Variants in POU2AF1 observed in about 807,000 individuals in gnomAD.
The protein encoded by POU2AF1 is POU class 2 homeobox associating factor 1, also known as POU domain class 2-associating factor 1.
POU2AF1 carries 12 observed loss-of-function variants against 26.3 expected under a neutral mutation model. That is an observed-to-expected ratio of 0.46 (90% CI 0.29 to 0.74). POU2AF1 has a LOEUF of 0.74. Among genes scored for constraint, POU2AF1 ranks in the 30% least tolerant of loss-of-function variants. The pLI, the probability that POU2AF1 is intolerant of heterozygous loss-of-function variation, is 0.09. For synonymous variants in POU2AF1, 175 were observed against 148.0 expected (o/e 1.18, Z -1.32); for missense variants, 297 against 334.5 (o/e 0.89, Z 0.87).
At chr11:111,376,257 GA>G (rs1861308659) in intron 1 of POU2AF1, among the ~76,000 whole-genome samples, 1 of 152,158 alleles carries the variant, frequency 6.6e-6, no homozygotes, top group African/African-American at 2.4e-5. Context: ...GAAATGAATG[GA>G]AATTTCCTTC....
intron 1 of POU2AF1, among the ~76,000 whole-genome samples, chr11:111,362,694 C>T (rs1861033574): frequency 6.6e-6 from 1 of 152,210 alleles, no homozygotes; most frequent in Admixed American, 6.5e-5. Flanking sequence ...GGGTTCTCAG[C>T]TATTCCTTAG....
intron 1 of POU2AF1, among the ~76,000 whole-genome samples, chr11:111,365,241 T>C (rs1301063292): frequency 1.3e-5 from 2 of 152,204 alleles, no homozygotes; most frequent in African/African-American, 4.8e-5. Context: ...TTCTGGATAA[T>C]GCTCAGCTTT....
rs1199338084 is a variant in POU2AF1 at position 111,354,514 on chromosome 11, G to A, written c.518C>T (p.Pro173Leu). 2 of 1,581,774 alleles carry A rather than the reference G, an allele frequency of 1.3e-6. No individual in the cohort carries two copies. The highest frequency in any genetic ancestry group is 1.9e-5 in the Admixed American group (1 of 51,452). Residue 173 changes from proline to leucine, a missense_variant, in exon 5 of 5, where the codon CCC becomes CTC. Pro to Leu is a moderately conservative substitution (Grantham distance 98). Coordinates refer to ENST00000393067, the MANE Select transcript of POU2AF1 (RefSeq NM_006235.3). ...PPLEGPEHQA[P>L]LTYFPWPQPL... ...CTGAGGCCACGGGAAATAGGTGAGG[G>A]GTGCCTGGTGCTCTGGGCCCTCCAG... is the stretch of plus-strand genomic sequence containing the variant.
intron 1 of POU2AF1, among the ~76,000 whole-genome samples, chr11:111,362,201 A>G (rs900749274): frequency 3.9e-5 from 6 of 152,330 alleles, no homozygotes; most frequent in Admixed American, 3.3e-4. Flanking sequence ...GTCAGTGTAT[A>G]TATTTATGGG....
At chr11:111,362,600 T>C (rs886704341) in intron 1 of POU2AF1, among the ~76,000 whole-genome samples, 2 of 152,206 alleles carry the variant, frequency 1.3e-5, no homozygotes. Context: ...TCCCTTCACA[T>C]AACGTCCTCC....
chr11:111,354,557 G>T lies in POU2AF1; in HGVS notation c.475C>A (p.Pro159Thr). The T allele has an allele frequency of 1.3e-6, 2 of 1,531,146 alleles. No individual in the cohort carries two copies. Among genetic ancestry groups the T allele is most frequent in the Non-Finnish European group, 1.7e-6 (2 of 1,145,054 alleles). The allele number at this position is 1,531,146 out of a possible 1,614,324, so 94.8% of individuals were successfully genotyped here. A position where few individuals can be genotyped will look rare whatever the true frequency, so the allele number is the denominator to read the frequency against. The change falls in exon 5 of 5, where the codon CCC (proline) becomes ACC (threonine). Residue 159 changes from proline to threonine, a missense_variant. By Grantham distance (38) the Pro-to-Thr change is conservative (BLOSUM62 -1). Transcript: ENST00000393067. ...TNVTTRSSAT[P>T]AVGPPLEGPE... ...CCCTCCAGCGGGGGCCCCACTGCGG[G>T]CGTGGCGGAGCTTCTTGTCTGTGAC...
intron 2 of POU2AF1, among the ~76,000 whole-genome samples, chr11:111,358,324 TCTCTCACACA>T (rs1391188887): frequency 5.7e-5 from 4 of 70,166 alleles, no homozygotes; most frequent in African/African-American, 2.0e-4. Context: ...ACACACGTAC[TCTCTCACACA>T]CTCTCACACT....
intron 1 of POU2AF1, 44 bp from the exon 2 acceptor site, chr11:111,358,962 G>T: frequency 1.3e-6 from 2 of 1,563,416 alleles, no homozygotes. Flanking sequence ...CTTCTCAGAC[G>T]AGCCCCCACC....
chr11:111,371,264 T>C (rs949067226), intron 1 of POU2AF1, among the ~76,000 whole-genome samples: 1 of 152,348 alleles, frequency 6.6e-6, no homozygotes, highest in South Asian at 2.1e-4. Context: ...TTATAATCTT[T>C]TGGTGACCAG....
Position 111,358,887 on chromosome 11 carries a change from G to T in POU2AF1, c.48C>A (p.Ala16=). ...PTAPEQAPAP[A]RPYQGVRVKE... ...TCACACGGACGCCCTGGTATGGCCG[G>T]GCCGGGGCTGGGGCTTGCTCCGGAG... Residue 16 remains alanine (A), a synonymous_variant, in exon 2 of 5, where the codon GCC becomes GCA. Coordinates refer to ENST00000393067, the MANE Select transcript of POU2AF1 (RefSeq NM_006235.3). The T allele has an allele frequency of 6.2e-7, 1 of 1,607,480 alleles. No homozygotes were observed.
intron 1 of POU2AF1, among the ~76,000 whole-genome samples, chr11:111,372,049 C>CAGAG (rs1159443371): frequency 0.021 from 2,807 of 132,308 alleles, 85 homozygotes; most frequent in East Asian, 0.036. Context: ...CACACACACA[C>CAGAG]ACACACACAC....
Position 111,358,765 on chromosome 11 carries a change from C to T in POU2AF1, c.147+23G>A, listed in dbSNP as rs187584916. On this transcript the variant is annotated intron_variant, in intron 2 of 4. Transcript: ENST00000393067. ...TCTCTTTCACACACACACACTCACA[C>T]TCTCACACACACAAACTCTCACCGC... The T allele has an allele frequency of 4.6e-5, 71 of 1,558,408 alleles. No homozygotes were observed. In the East Asian group the frequency reaches 1.6e-3, roughly 35 times the overall value.
intron 1 of POU2AF1, among the ~76,000 whole-genome samples, chr11:111,372,051 C>CAGAGAGAGAGAGAGAGAG (rs1374875953): frequency 5.9e-5 from 6 of 101,662 alleles, no homozygotes; most frequent in African/African-American, 2.4e-4. Flanking sequence ...CACACACACA[C>CAGAGAGAGAGAGAGAGAG]ACACACACAC....
intron 1 of POU2AF1, 78 bp downstream of exon 1, chr11:111,379,084 C>G (rs1181379333): frequency 1.9e-6 from 3 of 1,597,206 alleles, no homozygotes; most frequent in African/African-American, 1.3e-5. Flanking sequence ...CACCAGCTCC[C>G]CAATTCCAGA....
chr11:111,365,109 T>C (rs1861080344), intron 1 of POU2AF1, among the ~76,000 whole-genome samples: 2 of 152,218 alleles, frequency 1.3e-5, no homozygotes, highest in Admixed American at 6.5e-5. Context: ...AGTTTTGTAT[T>C]TGGGGTCAGA....
rs912563947 is a variant in POU2AF1, at chr11:111,352,731, C to T, written c.*1530G>A. 1.0e-4 allele frequency: 17 copies of T among 167,550 alleles called. No individual in the cohort carries two copies. The East Asian group carries it at 2.0e-3, about 20-fold the overall frequency. The allele number at this position is 167,550 out of a possible 1,614,324, so 10.4% of individuals were successfully genotyped here. ...CGGGCGGATCACAAGGTCAGGAGTTCGAGACCAGCCTGGCCAACATGGTGA... is the reference window on the plus strand; with the variant it reads ...CGGGCGGATCACAAGGTCAGGAGTTTGAGACCAGCCTGGCCAACATGGTGA... On this transcript the variant is annotated 3_prime_UTR_variant, in exon 5 of 5. Transcript: ENST00000393067.
rs908072689 is a variant in POU2AF1, at chr11:111,363,084, A to G, written c.17-4166T>C. 2.3e-5 allele frequency: 22 copies of G among 938,744 alleles called. No homozygotes were observed. In the Admixed American group the frequency reaches 4.8e-4, roughly 20 times the overall value. 58.2% of individuals were successfully genotyped at this position (938,744 alleles called of 1,614,324 possible). A position where few individuals can be genotyped will look rare whatever the true frequency, so the allele number is the denominator to read the frequency against. On this transcript the variant is annotated intron_variant, in intron 1 of 4. Coordinates refer to ENST00000393067, the MANE Select transcript of POU2AF1 (RefSeq NM_006235.3). Reference sequence around the variant, plus strand: ...GGTGGAGGTGCTGTGGACAGAGAGTATCACCCTCTAATGTCTGGACTTCCT... The same window carrying G: ...GGTGGAGGTGCTGTGGACAGAGAGTGTCACCCTCTAATGTCTGGACTTCCT...
chr11:111,376,343 C>T (rs1486743360), intron 1 of POU2AF1, among the ~76,000 whole-genome samples: 1 of 152,224 alleles, frequency 6.6e-6, no homozygotes, highest in Non-Finnish European at 1.5e-5. Flanking sequence ...ATTTCCACTA[C>T]ACTGTTACTA....
Position 111,354,276 on chromosome 11 carries a change from A to T in POU2AF1, c.756T>A (p.Ser252=). 6.2e-7 allele frequency: 1 copy of T among 1,614,162 alleles called. No individual in the cohort carries two copies. Among genetic ancestry groups the T allele is most frequent in the South Asian group, 1.1e-5 (1 of 91,068 alleles). ...SDAYALNHTL[S]VEGF Reference sequence around the variant, plus strand: ...GGAGCCACGCCTAAAAGCCTTCCACAGAGAGAGTGTGGTTAAGCGCATAGG... The same window carrying T: ...GGAGCCACGCCTAAAAGCCTTCCACTGAGAGAGTGTGGTTAAGCGCATAGG... The change falls in exon 5 of 5, where the codon TCT becomes TCA. Residue 252 remains serine, a synonymous_variant. Transcript: ENST00000393067.
Sources: allele counts gnomAD v4.1 joint callset (sites outside exome capture counted in the v4.1 genomes callset), GRCh38; gene constraint gnomAD v4.1.1; transcripts MANE v1.5; gene names NCBI Gene and HGNC (gene_info 2026-07-23, HGNC 2026-07-21).